Variants in ALK observed in about 807,000 individuals in gnomAD.
ALK encodes ALK receptor tyrosine kinase, also known as ALK tyrosine kinase receptor.
Under a neutral mutation model 163.1 loss-of-function variants are expected in ALK, and 74 were observed. The observed-to-expected ratio is 0.45, with a 90% CI of 0.38 to 0.55. ALK has a LOEUF of 0.55. ALK is among the 20% of genes least tolerant of loss of function. The probability of loss-of-function intolerance (pLI) is 0.00; values close to 1 mark genes in which losing one functional copy is unlikely to be tolerated. For synonymous variants in ALK, 960 were observed against 843.2 expected (o/e 1.14, Z -2.40); for missense variants, 2,063 against 2,105.3 (o/e 0.98, Z 0.39).
chr2:29,694,987 C>T lies in ALK; in HGVS notation c.815G>A (p.Cys272Tyr), dbSNP rs1199869067. 3.7e-6 allele frequency: 6 copies of T among 1,614,092 alleles called. No homozygotes were observed. Among genetic ancestry groups the T allele is most frequent in the Non-Finnish European group, 3.4e-6 (4 of 1,179,988 alleles). The part of the protein sequence containing the change: ...YGLECSFDFP[C>Y]ELEYSPPLHD... ...CAGTGGAGGGGAATACTCCAGCTCA[C>T]AGGGGAAGTCAAAGCTGCACTCCAG... is the stretch of plus-strand genomic sequence containing the variant. Residue 272 changes from cysteine (C) to tyrosine (Y), a missense_variant, in exon 3 of 29, where the codon TGT (cysteine) becomes TAT (tyrosine). By Grantham distance (194) the Cys-to-Tyr change is radical. Transcript: ENST00000389048.
Position 29,193,838 on chromosome 2 carries a change from C to G in ALK, c.4249G>C (p.Asp1417His), listed in dbSNP as rs1251673674. The stretch of plus-strand genomic sequence containing the variant: ...AGGAGAGGAGGAACCCCCTCAGGGT[C>G]CTTGGGCCTCACAGGCACTTTCTCT... ...EEEKVPVRPK[D>H]PEGVPPLLVS... is the part of the protein sequence containing the mutation. Residue 1417 changes from aspartate (D) to histidine (H), a missense_variant, in exon 29 of 29, where the codon GAC (aspartate) becomes CAC (histidine). This residue lies in a region of ALK where 403 missense variants were observed against 366.2 expected (regional missense o/e 1.10). Transcript: ENST00000389048. 10 of 1,612,330 alleles carry G rather than the reference C, an allele frequency of 6.2e-6. No individual in the cohort carries two copies. Among genetic ancestry groups the G allele is most frequent in the Non-Finnish European group, 8.5e-6 (10 of 1,179,242 alleles).
At chr2:29,771,864 T>C (rs1032947977) in intron 1 of ALK, among the ~76,000 whole-genome samples, 2 of 152,170 alleles carry the variant, frequency 1.3e-5, no homozygotes, top group African/African-American at 4.8e-5. Flanking sequence ...CCAGAGAAAC[T>C]ACCAAATATG....
At chr2:29,206,465 C>A (rs530187858) in intron 26 of ALK, among the ~76,000 whole-genome samples, 1 of 152,002 alleles carries the variant, frequency 6.6e-6, no homozygotes, top group Non-Finnish European at 1.5e-5. Flanking sequence ...AGAGATGGGG[C>A]CTTGCTATGC....
intron 3 of ALK, among the ~76,000 whole-genome samples, chr2:29,570,149 C>T (rs868689177): frequency 3.3e-5 from 5 of 152,308 alleles, no homozygotes; most frequent in Middle Eastern, 3.4e-3. Context: ...TCATTAGACT[C>T]TCTAGGGCAT....
chr2:29,530,694 G>A (rs1673097919), intron 4 of ALK, among the ~76,000 whole-genome samples: 1 of 152,350 alleles, frequency 6.6e-6, no homozygotes, highest in African/African-American at 2.4e-5. Context: ...CTGGAGGGAG[G>A]CTTGGTGCCA....
chr2:29,329,686 G>A (rs1164107403), intron 5 of ALK, among the ~76,000 whole-genome samples: 1 of 152,218 alleles, frequency 6.6e-6, no homozygotes, highest in African/African-American at 2.4e-5. Flanking sequence ...TGATTCTGAT[G>A]AGGTACTCTC....
At chr2:29,538,734 T>C (rs1673330211) in intron 3 of ALK, among the ~76,000 whole-genome samples, 1 of 152,212 alleles carries the variant, frequency 6.6e-6, no homozygotes, top group Non-Finnish European at 1.5e-5. Flanking sequence ...TGGAAAATTT[T>C]TTTTTAAGGA....
At chr2:29,362,583 A>G (rs922944177) in intron 5 of ALK, among the ~76,000 whole-genome samples, 2 of 152,122 alleles carry the variant, frequency 1.3e-5, no homozygotes, top group African/African-American at 2.4e-5. Flanking sequence ...GATGAGTAGA[A>G]TGTCTGTGCT....
At chr2:29,243,621 T>G (rs766544157) in intron 12 of ALK, among the ~76,000 whole-genome samples, 6 of 152,146 alleles carry the variant, frequency 3.9e-5, no homozygotes, top group Non-Finnish European at 8.8e-5. Context: ...GCTGTTCAGT[T>G]TCACCCAGGG....
intron 3 of ALK, 114 bp downstream of exon 3, chr2:29,694,736 G>T: frequency 7.2e-7 from 1 of 1,383,458 alleles, no homozygotes; most frequent in Non-Finnish European, 1.0e-6. Context: ...ATTAAAAGCA[G>T]GTTTCAAAGT....
chr2:29,853,482 C>G (rs752698942), intron 1 of ALK, among the ~76,000 whole-genome samples: 1 of 152,154 alleles, frequency 6.6e-6, no homozygotes, highest in South Asian at 2.1e-4. Flanking sequence ...CCCAGGCCCC[C>G]CACACCTTGC....
chr2:29,467,616 T>C (rs1573378627), intron 4 of ALK, among the ~76,000 whole-genome samples: 1 of 152,238 alleles, frequency 6.6e-6, no homozygotes, highest in Non-Finnish European at 1.5e-5. Flanking sequence ...TAAAAGCCTA[T>C]CCACTAGACC....
intron 8 of ALK, among the ~76,000 whole-genome samples, chr2:29,299,055 T>C (rs1035470407): frequency 6.6e-6 from 1 of 152,256 alleles, no homozygotes; most frequent in East Asian, 1.9e-4. Flanking sequence ...ACAGCTGGGA[T>C]GTAACTGCTG....
chr2:29,561,243 A>G, intron 3 of ALK, among the ~76,000 whole-genome samples: 1 of 152,176 alleles, frequency 6.6e-6, no homozygotes, highest in East Asian at 1.9e-4. Flanking sequence ...GATAGCTGTT[A>G]AACAATCCCC....
rs561006892 is a variant in ALK, at chr2:29,733,776, G to C, written c.668-16079C>G. 2.6e-5 allele frequency among the ~76,000 whole-genome samples: 4 copies of C among 152,302 alleles called. No individual in the cohort carries two copies. In the East Asian group the frequency reaches 5.8e-4, roughly 22 times the overall value. ...GAGGGAAACATACACTTTGTAGACA[G>C]GAGGGGAAGATCTGCAATCCAGACA... is the stretch of plus-strand genomic sequence containing the variant. On this transcript the variant is annotated intron_variant, in intron 1 of 28. Coordinates refer to ENST00000389048, the MANE Select transcript of ALK (RefSeq NM_004304.5).
At chr2:29,238,626 G>A (rs948539415) in intron 13 of ALK, among the ~76,000 whole-genome samples, 2 of 152,130 alleles carry the variant, frequency 1.3e-5, no homozygotes, top group Non-Finnish European at 2.9e-5. Context: ...CTTTCCAAGT[G>A]CCTCCTCAGA....
chr2:29,638,323 C>T (rs1676604277), intron 3 of ALK, among the ~76,000 whole-genome samples: 1 of 152,136 alleles, frequency 6.6e-6, no homozygotes, highest in South Asian at 2.1e-4. Flanking sequence ...TAACTTTTTG[C>T]CAATATAAAC....
intron 4 of ALK, among the ~76,000 whole-genome samples, chr2:29,427,085 T>G (rs4666214): frequency 8.6e-6 from 1 of 116,344 alleles, no homozygotes; most frequent in Non-Finnish European, 1.8e-5. Context: ...AAAAAATAGG[T>G]ATATAATTGT....
chr2:29,411,009 G>T (rs943195725), intron 4 of ALK, among the ~76,000 whole-genome samples: 3 of 152,014 alleles, frequency 2.0e-5, no homozygotes, highest in African/African-American at 7.3e-5. Flanking sequence ...ACATAAATAC[G>T]TTGCTCAGGT....
Sources: allele counts gnomAD v4.1 joint callset (sites outside exome capture counted in the v4.1 genomes callset), GRCh38; gene constraint gnomAD v4.1.1; regional missense constraint gnomAD v4.1.1; transcripts MANE v1.5; gene names NCBI Gene and HGNC (gene_info 2026-07-23, HGNC 2026-07-21).